The following UBE2D2 variants were observed in gnomAD, a reference collection of about 807,000 sequenced individuals.
UBE2D2 encodes ubiquitin conjugating enzyme E2 D2.
In UBE2D2, 2 loss-of-function variants were observed where a neutral mutation model predicts 24.2. The ratio of observed to expected loss-of-function variants is 0.08; its 90% confidence interval spans 0.03 to 0.26. The LOEUF (loss-of-function observed/expected upper bound fraction) is 0.26. Ranked by LOEUF, UBE2D2 falls within the 10% of genes least tolerant of loss-of-function variation. UBE2D2 has a pLI of 1.00. For missense variants in UBE2D2, 44 were observed against 177.6 expected, an observed-to-expected ratio of 0.25 and a Z score of 4.28; for synonymous variants, 58 against 56.5, an observed-to-expected ratio of 1.03 and a Z score of -0.12.
At chr5:139,550,168 T>C (rs1256786542) in intron 1 of UBE2D2, among the ~76,000 whole-genome samples, 1 of 152,128 alleles carries the variant, frequency 6.6e-6, no homozygotes, top group African/African-American at 2.4e-5. Flanking sequence ...TCAAGGTTTG[T>C]AAACACACCA....
chr5:139,532,534 G>C (rs1207919074), intron 1 of UBE2D2, among the ~76,000 whole-genome samples: 1 of 151,958 alleles, frequency 6.6e-6, no homozygotes, highest in Admixed American at 6.6e-5. Context: ...TGTATTTTTA[G>C]TGGAGACGGA....
intron 2 of UBE2D2, among the ~76,000 whole-genome samples, chr5:139,609,408 T>C (rs2126695793): frequency 6.6e-6 from 1 of 152,156 alleles, no homozygotes; most frequent in Admixed American, 6.6e-5. Context: ...TTCGCTCTTG[T>C]TGCCCAGGCT....
At chr5:139,539,169 C>T (rs527482183) in intron 1 of UBE2D2, among the ~76,000 whole-genome samples, 220 of 151,696 alleles carry the variant, frequency 1.5e-3, no homozygotes, top group Non-Finnish European at 2.4e-3. Context: ...GGATTACAGG[C>T]GCCCACCACC....
At chr5:139,605,474 C>T (rs1754177378) in intron 2 of UBE2D2, among the ~76,000 whole-genome samples, 1 of 151,528 alleles carries the variant, frequency 6.6e-6, no homozygotes, top group South Asian at 2.1e-4. Context: ...TGCCTGTAGT[C>T]CCAGCTATTC....
chr5:139,558,282 T>C (rs2126643246), upstream of UBE2D2, among the ~76,000 whole-genome samples: 1 of 152,184 alleles, frequency 6.6e-6, no homozygotes, highest in East Asian at 1.9e-4. Context: ...CACGATATAT[T>C]GTTTATTTTC....
In UBE2D2 at chr5:139,621,979, T is replaced by A. The variant is rs542273588; in HGVS notation, c.305-1389T>A. The stretch of plus-strand genomic sequence containing the variant: ...TTCTAAAAAATTGAACTTTATGGGA[T>A]CTGAAAAATGTTCTTGGTCTAGAAT... On this transcript the variant is annotated intron_variant, in intron 5 of 6. Transcript: ENST00000398733. Among the ~76,000 whole-genome samples the A allele has an allele frequency of 2.0e-5, 3 of 152,304 alleles. No homozygotes were observed. In the South Asian group the frequency reaches 6.2e-4, roughly 32 times the overall value.
chr5:139,621,736 C>T (rs1195152776), intron 5 of UBE2D2, among the ~76,000 whole-genome samples: 1 of 152,134 alleles, frequency 6.6e-6, no homozygotes, highest in East Asian at 1.9e-4. Context: ...GATCCTCCCA[C>T]CTCAGCCTCC....
At chr5:139,592,895 G>A (rs766306294) in intron 1 of UBE2D2, among the ~76,000 whole-genome samples, 1 of 146,814 alleles carries the variant, frequency 6.8e-6, no homozygotes, top group African/African-American at 2.5e-5. Flanking sequence ...GAGCCACCAC[G>A]CTTGGCTGCA....
chr5:139,562,533 CAAAGGT>C (rs1429917969), intron 1 of UBE2D2: 34 of 1,021,414 alleles, frequency 3.3e-5, no homozygotes, highest in Non-Finnish European at 4.3e-5. Context: ...TGTACATTGG[CAAAGGT>C]AGAGGTAGAA....
intron 1 of UBE2D2, among the ~76,000 whole-genome samples, chr5:139,526,827 T>G (rs566846711): frequency 1.3e-5 from 2 of 152,382 alleles, no homozygotes; most frequent in Admixed American, 1.3e-4. Context: ...GGTTTTGACT[T>G]GACTTGAATT....
Position 139,614,572 on chromosome 5 carries a change from T to C in UBE2D2, c.89-14T>C, listed in dbSNP as rs1933088788. Reference sequence around the variant, plus strand: ...ATATTGTTACATGGTGACTTTTTTCTTGTTATTTTTCAGTGTTCCATTGGC... The same window carrying C: ...ATATTGTTACATGGTGACTTTTTTCCTGTTATTTTTCAGTGTTCCATTGGC... On this transcript the variant is annotated splice_polypyrimidine_tract_variant and intron_variant, in intron 2 of 6. Coordinates refer to ENST00000398733, the MANE Select transcript of UBE2D2 (RefSeq NM_003339.3). 1.2e-6 allele frequency: 2 copies of C among 1,612,318 alleles called. No individual in the cohort carries two copies. The highest frequency in any genetic ancestry group is 1.7e-5 in the Admixed American group (1 of 59,994).
At chr5:139,580,350 T>G (rs561977090) in intron 1 of UBE2D2, among the ~76,000 whole-genome samples, 2 of 151,740 alleles carry the variant, frequency 1.3e-5, no homozygotes, top group East Asian at 1.9e-4. Context: ...CAGTCGTGAG[T>G]CACCCTGCCT....
chr5:139,545,128 AGATCTAACTC>A lies in UBE2D2; in HGVS notation c.-64+18527_-64+18536del, dbSNP rs771001630. Among the ~76,000 whole-genome samples the A allele has an allele frequency of 1.3e-3, 200 of 152,294 alleles. No homozygotes were observed. In the Middle Eastern group the frequency reaches 0.014, roughly 10 times the overall value. On this transcript the variant is annotated intron_variant, in intron 1 of 6. Coordinates refer to the UBE2D2 transcript ENST00000511725. ...TGGTAGTTCTTCCATAGGGACATAC[AGATCTAACTC>A]GATCTAACTCACGCTTTTTATGGTG...
chr5:139,587,323 C>T (rs556179911), intron 1 of UBE2D2, among the ~76,000 whole-genome samples: 205 of 152,236 alleles, frequency 1.3e-3, no homozygotes, highest in African/African-American at 4.9e-3. Context: ...TGGAAGTCAG[C>T]AGCGGCTCTG....
At chr5:139,611,959 TTG>T (rs1272161266) in intron 2 of UBE2D2, 1 of 148,258 alleles carries the variant, frequency 6.7e-6, no homozygotes, top group African/African-American at 2.5e-5. Context: ...AGAAAAATAA[TTG>T]TTTTTTTTTT....
intron 1 of UBE2D2, among the ~76,000 whole-genome samples, chr5:139,567,153 G>A (rs1283815247): frequency 6.6e-6 from 1 of 152,160 alleles, no homozygotes; most frequent in Non-Finnish European, 1.5e-5. Context: ...AGGCTGGAGT[G>A]CAGTGGCATG....
intron 1 of UBE2D2, among the ~76,000 whole-genome samples, chr5:139,589,694 CAATA>C (rs1471375304): frequency 6.6e-6 from 1 of 152,126 alleles, no homozygotes; most frequent in Non-Finnish European, 1.5e-5. Flanking sequence ...TGAAACATCT[CAATA>C]AATAGCAAAA....
chr5:139,570,323 T>TCAC (rs1312470038), intron 1 of UBE2D2, among the ~76,000 whole-genome samples: 2 of 151,996 alleles, frequency 1.3e-5, no homozygotes, highest in Admixed American at 6.6e-5. Flanking sequence ...TGTTCTATTC[T>TCAC]CACCACCACC....
chr5:139,535,436 C>T (rs768747284), intron 1 of UBE2D2, among the ~76,000 whole-genome samples: 111 of 143,942 alleles, frequency 7.7e-4, no homozygotes, highest in Non-Finnish European at 1.3e-3. Flanking sequence ...AGCCTGGGAG[C>T]GAGACTCCGT....
Sources: allele counts gnomAD v4.1 joint callset (sites outside exome capture counted in the v4.1 genomes callset), GRCh38; gene constraint gnomAD v4.1.1; transcripts MANE v1.5; gene names NCBI Gene and HGNC (gene_info 2026-07-23, HGNC 2026-07-21).